Variants in AP3S2 observed in about 807,000 individuals in gnomAD.
AP3S2 encodes the protein adaptor related protein complex 3 subunit sigma 2.
In AP3S2, 22 loss-of-function variants were observed where a neutral mutation model predicts 23.4. That is an observed-to-expected ratio of 0.94 (90% CI 0.67 to 1.34). The LOEUF is 1.34. Among genes scored for constraint, AP3S2 ranks in the 40% most tolerant of loss-of-function variants. The pLI is 0.00. For missense variants in AP3S2, 241 were observed against 236.9 expected (o/e 1.02, Z -0.11); for synonymous variants, 86 against 87.1 (o/e 0.99, Z 0.07).
At chr15:89,873,286 C>CTTT (rs71461825) in intron 3 of AP3S2, among the ~76,000 whole-genome samples, 3 of 134,552 alleles carry the variant, frequency 2.2e-5, no homozygotes, top group Admixed American at 1.5e-4. Context: ...TGTCTGTCTT[C>CTTT]TTTTTTTTTT....
intron 3 of AP3S2, among the ~76,000 whole-genome samples, chr15:89,887,724 G>A (rs1031150565): frequency 2.6e-5 from 4 of 152,196 alleles, no homozygotes; most frequent in Non-Finnish European, 4.4e-5. Flanking sequence ...AGGCTGGAGT[G>A]CAGTGGCATG....
chr15:89,876,782 A>C (rs1362401804), intron 3 of AP3S2: 1 of 153,372 alleles, frequency 6.5e-6, no homozygotes, highest in East Asian at 1.9e-4. Context: ...TTTTAAAAGA[A>C]AAAGAAATCA....
intron 4 of AP3S2, among the ~76,000 whole-genome samples, chr15:89,867,901 A>C (rs1596207598): frequency 8.3e-6 from 1 of 120,310 alleles, no homozygotes; most frequent in Non-Finnish European, 1.9e-5. Context: ...CCCGGCAGCC[A>C]CCCCGTCCGG....
At position 89,871,491 on chromosome 15, in the gene AP3S2, A is replaced by G. The variant is rs1315254654; in HGVS notation, c.329T>C (p.Ile110Thr). The G allele has an allele frequency of 6.2e-7, 1 of 1,613,686 alleles. No individual in the cohort carries two copies. Among genetic ancestry groups the G allele is most frequent in the African/African-American group, 1.3e-5 (1 of 74,936 alleles). The change falls in exon 4 of 6, where the codon ATC (isoleucine) becomes ACC (threonine). Residue 110 changes from isoleucine to threonine, a missense_variant. Coordinates refer to ENST00000336418, the MANE Select transcript of AP3S2 (RefSeq NM_005829.5). ...CFENVCELDL[I>T]FHMDKVHYIL... ...AGAATATACCTTATCCATATGGAAGATCAAATCCAATTCACACACATTTTC... is the reference window on the plus strand; with the variant it reads ...AGAATATACCTTATCCATATGGAAGGTCAAATCCAATTCACACACATTTTC...
intron 4 of AP3S2, among the ~76,000 whole-genome samples, chr15:89,859,419 A>C (rs1596201648): frequency 1.0e-5 from 1 of 96,774 alleles, no homozygotes; most frequent in South Asian, 2.8e-4. Context: ...TTTGAGATGG[A>C]GTCCTGCTCT....
Position 89,835,433 on chromosome 15 carries a change from A to C in AP3S2, c.*82T>G, listed in dbSNP as rs1010750633. ...TGAGGCTTGACTCTTCTAAGGCTCAAAATGGGTTCTGTTTCCAGACGTGCT... is the reference window on the plus strand; with the variant it reads ...TGAGGCTTGACTCTTCTAAGGCTCACAATGGGTTCTGTTTCCAGACGTGCT... On this transcript the variant is annotated 3_prime_UTR_variant, in exon 6 of 6. Transcript: ENST00000336418. The C allele has an allele frequency of 2.5e-5, 40 of 1,586,658 alleles. No homozygotes were observed. The highest frequency in any genetic ancestry group is 2.1e-5 in the Non-Finnish European group (25 of 1,165,688).
chr15:89,844,080 T>C (rs1241125842), intron 4 of AP3S2, among the ~76,000 whole-genome samples: 1 of 152,192 alleles, frequency 6.6e-6, no homozygotes, highest in Non-Finnish European at 1.5e-5. Flanking sequence ...GTAATAAAGA[T>C]ATGGTTAATC....
chr15:89,836,064 C>G (rs956175596), intron 5 of AP3S2, among the ~76,000 whole-genome samples: 1 of 152,076 alleles, frequency 6.6e-6, no homozygotes, highest in African/African-American at 2.4e-5. Context: ...GTGAAGGATG[C>G]CTAGAAAAAT....
chr15:89,871,396 T>G, intron 4 of AP3S2, 79 bp downstream of exon 4: 1 of 1,312,082 alleles, frequency 7.6e-7, no homozygotes, highest in East Asian at 2.4e-5. Context: ...AATATGAAGA[T>G]GTAGAGGTGG....
chr15:89,868,282 C>G (rs1316679876), intron 4 of AP3S2, among the ~76,000 whole-genome samples: 1 of 67,832 alleles, frequency 1.5e-5, no homozygotes, highest in African/African-American at 5.6e-5. Flanking sequence ...GCCCGGCCGC[C>G]CCTACTGGGA....
At chr15:89,839,719 A>G (rs577749961) in intron 4 of AP3S2, among the ~76,000 whole-genome samples, 2 of 152,382 alleles carry the variant, frequency 1.3e-5, no homozygotes, top group Non-Finnish European at 2.9e-5. Context: ...ACCCATGTTC[A>G]TAGCAGTATT....
chr15:89,862,455 T>C (rs1035054142), intron 4 of AP3S2, among the ~76,000 whole-genome samples: 1 of 152,168 alleles, frequency 6.6e-6, no homozygotes, highest in African/African-American at 2.4e-5. Context: ...GGATGAAAAG[T>C]TATGATGTCT....
Position 89,831,387 on chromosome 15 carries a change from A to G in AP3S2, c.*4128T>C, listed in dbSNP as rs2141827341. Reference sequence around the variant, plus strand: ...CCCTCTGGGGTAGGGTAGACTCAGGAAGGTGAAAATCAGGATGTCTGCCAG... The same window carrying G: ...CCCTCTGGGGTAGGGTAGACTCAGGGAGGTGAAAATCAGGATGTCTGCCAG... On this transcript the variant is annotated 3_prime_UTR_variant, in exon 6 of 6. Coordinates refer to ENST00000336418, the MANE Select transcript of AP3S2 (RefSeq NM_005829.5). 1 of 152,286 alleles carries G rather than the reference A, an allele frequency of 6.6e-6. No individual in the cohort carries two copies. Among genetic ancestry groups the G allele is most frequent in the South Asian group, 2.1e-4 (1 of 4,818 alleles). 9.4% of individuals were successfully genotyped at this position (152,286 alleles called of 1,614,324 possible). A position where few individuals can be genotyped will look rare whatever the true frequency, so the allele number is the denominator to read the frequency against.
chr15:89,878,182 G>A, intron 3 of AP3S2: 2 of 593,992 alleles, frequency 3.4e-6, no homozygotes, highest in African/African-American at 1.9e-5. Flanking sequence ...GCACAAATAA[G>A]CTGGGTGGTG....
chr15:89,860,991 C>T (rs1895998083), intron 4 of AP3S2, among the ~76,000 whole-genome samples: 1 of 152,224 alleles, frequency 6.6e-6, no homozygotes, highest in Non-Finnish European at 1.5e-5. Context: ...CCTCACTTGT[C>T]CCTCCATTCC....
rs1895114964 is a variant in AP3S2, at chr15:89,833,086, G to C, written c.*2429C>G. Reference sequence around the variant, plus strand: ...GGCTATCCCAGGAAATCTAGCATAAGGGCTGTCCTGCAGTAATGCATTAAA... The same window carrying C: ...GGCTATCCCAGGAAATCTAGCATAACGGCTGTCCTGCAGTAATGCATTAAA... On this transcript the variant is annotated 3_prime_UTR_variant, in exon 6 of 6. Coordinates refer to ENST00000336418, the MANE Select transcript of AP3S2 (RefSeq NM_005829.5). 6.6e-6 allele frequency: 1 copy of C among 152,190 alleles called. No individual in the cohort carries two copies. The highest frequency in any genetic ancestry group is 2.4e-5 in the African/African-American group (1 of 41,436). The allele number at this position is 152,190 out of a possible 1,614,324, so 9.4% of individuals were successfully genotyped here. A position where few individuals can be genotyped will look rare whatever the true frequency, so the allele number is the denominator to read the frequency against.
intron 3 of AP3S2, among the ~76,000 whole-genome samples, chr15:89,883,772 A>G (rs974535214): frequency 1.3e-5 from 2 of 152,220 alleles, no homozygotes; most frequent in African/African-American, 4.8e-5. Flanking sequence ...TGAAACTAAA[A>G]TTGATTGCTT....
intron 4 of AP3S2, among the ~76,000 whole-genome samples, chr15:89,867,905 C>T (rs921359530): frequency 9.2e-5 from 12 of 130,718 alleles, no homozygotes; most frequent in Admixed American, 5.8e-4. Context: ...GCAGCCACCC[C>T]GTCCGGGAGG....
At chr15:89,845,721 C>T (rs999211290) in intron 4 of AP3S2, 2 of 152,116 alleles carry the variant, frequency 1.3e-5, no homozygotes, top group Non-Finnish European at 1.5e-5. Flanking sequence ...AAATCTGAGA[C>T]GTGAGTCATG....
Sources: gnomAD v4.1 joint callset for allele counts (sites outside exome capture counted in the v4.1 genomes callset) on GRCh38, gnomAD v4.1.1 for gene constraint, MANE v1.5 for transcripts, NCBI Gene and HGNC (gene_info 2026-07-23, HGNC 2026-07-21) for gene names.